The following PABPN1 variants were observed in gnomAD, a reference collection of about 807,000 sequenced individuals.
PABPN1 encodes the protein polyadenylate-binding protein 2.
Under a neutral mutation model 33.4 loss-of-function variants are expected in PABPN1, and 5 were observed. That is an observed-to-expected ratio of 0.15 (90% CI 0.08 to 0.32). The LOEUF is 0.32. Among genes scored for constraint, PABPN1 ranks in the 10% least tolerant of loss-of-function variants. The pLI, the probability that PABPN1 is intolerant of heterozygous loss-of-function variation, is 1.00. For synonymous variants in PABPN1, 176 were observed against 170.6 expected, an observed-to-expected ratio of 1.03 and a Z score of -0.25; for missense variants, 312 against 425.8, an observed-to-expected ratio of 0.73 and a Z score of 2.35.
Position 23,323,093 on chromosome 14 carries a change from T to G in PABPN1, c.534+27T>G, listed in dbSNP as rs756670416. 6 of 1,613,546 alleles carry G rather than the reference T, an allele frequency of 3.7e-6. No homozygotes were observed. In the South Asian group the frequency reaches 6.6e-5, roughly 18 times the overall value. On this transcript the variant is annotated intron_variant, in intron 3 of 6. Transcript: ENST00000216727. ...TACGTACTGGGGCTCTGACTGGGGT[T>G]GGGGGCAAGTTCTTCTTTTGGGGAA...
chr14:23,323,369 C>A lies in PABPN1; in HGVS notation c.535-8C>A. Reference sequence around the variant, plus strand: ...CTGGTGCCTGTGAAATTTTTCTCCTCTCATCAGGTGGACTATGGTGCAACA... The same window carrying A: ...CTGGTGCCTGTGAAATTTTTCTCCTATCATCAGGTGGACTATGGTGCAACA... On this transcript the variant is annotated splice_region_variant and splice_polypyrimidine_tract_variant and intron_variant, in intron 3 of 6. Coordinates refer to ENST00000216727, the MANE Select transcript of PABPN1 (RefSeq NM_004643.4). 1 of 1,612,720 alleles carries A rather than the reference C, an allele frequency of 6.2e-7. No individual in the cohort carries two copies. Among genetic ancestry groups the A allele is most frequent in the South Asian group, 1.1e-5 (1 of 91,016 alleles).
At position 23,322,319 on chromosome 14, in the gene PABPN1, G is replaced by T. The variant is rs1031176490; in HGVS notation, c.466+24G>T. On this transcript the variant is annotated intron_variant, in intron 2 of 6. Coordinates refer to ENST00000216727, the MANE Select transcript of PABPN1 (RefSeq NM_004643.4). The stretch of plus-strand genomic sequence containing the variant: ...TGGTGAGTAACTGGCGGTTGCACGC[G>T]GAGCCCGGGTTCTCGGGTTGGAAGG... 1.6e-5 allele frequency: 25 copies of T among 1,574,250 alleles called. No individual in the cohort carries two copies. The African/African-American group carries it at 3.2e-4, about 20-fold the overall frequency.
chr14:23,324,058 C>T lies in PABPN1; in HGVS notation c.729+6C>T, dbSNP rs771474078. ...TTAGAGGAAGGCAAATCAAGGTAAG[C>T]CTATGTCCATTGCTGTTCTAGTTGT... On this transcript the variant is annotated splice_donor_region_variant and intron_variant, in intron 5 of 6. Transcript: ENST00000216727. 2.5e-6 allele frequency: 4 copies of T among 1,614,152 alleles called. No homozygotes were observed. Among genetic ancestry groups the T allele is most frequent in the East Asian group, 2.2e-5 (1 of 44,884 alleles).
chr14:23,322,516 T>C (rs993309427), intron 2 of PABPN1: 18 of 581,358 alleles, frequency 3.1e-5, no homozygotes, highest in South Asian at 2.8e-4. Context: ...GTGCCTGTTA[T>C]AATTGTGTTG....
In PABPN1 at chr14:23,321,706, C is replaced by G; in HGVS notation, c.237C>G (p.Ala79=). ...EPEEEPPRPR[A]PPGAPGPGPG... Reference sequence around the variant, plus strand: ...AAGAGGAGCCGCCCCGGCCCCGCGCCCCCCCGGGAGCTCCGGGCCCTGGGC... The same window carrying G: ...AAGAGGAGCCGCCCCGGCCCCGCGCGCCCCCGGGAGCTCCGGGCCCTGGGC... The change falls in exon 1 of 7, where the codon GCC becomes GCG. Residue 79 remains alanine, a synonymous_variant. Coordinates refer to ENST00000216727, the MANE Select transcript of PABPN1 (RefSeq NM_004643.4). 1.9e-6 allele frequency: 3 copies of G among 1,538,748 alleles called. No homozygotes were observed. The highest frequency in any genetic ancestry group is 2.6e-6 in the Non-Finnish European group (3 of 1,140,444).
rs1427293556 is a variant in PABPN1, at chr14:23,324,127, C to G, written c.730-11C>G. 6.2e-7 allele frequency: 1 copy of G among 1,614,176 alleles called. No individual in the cohort carries two copies. The highest frequency in any genetic ancestry group is 8.5e-7 in the Non-Finnish European group (1 of 1,179,990). ...GCCTTTAAGGCTATCATTTGTTCAT[C>G]TCTGACTCAGGTGATCCCAAAACGA... On this transcript the variant is annotated splice_polypyrimidine_tract_variant and intron_variant, in intron 5 of 6. Transcript: ENST00000216727.
At chr14:23,324,944 T>C (rs901047610) in intron 6 of PABPN1, 4 of 366,234 alleles carry the variant, frequency 1.1e-5, no homozygotes, top group Non-Finnish European at 2.0e-5. Flanking sequence ...TGGCCTAGGG[T>C]TTAAGAGCTG....
intron 2 of PABPN1, 43 bp from the exon 3 acceptor site, chr14:23,322,956 A>G: frequency 6.2e-7 from 1 of 1,613,626 alleles, no homozygotes; most frequent in South Asian, 1.1e-5. Context: ...TCAAGTAGAA[A>G]ACAAGTGTGT....
chr14:23,322,901 C>T, intron 2 of PABPN1, 98 bp from the exon 3 acceptor site: 3 of 1,562,078 alleles, frequency 1.9e-6, no homozygotes, highest in Non-Finnish European at 2.6e-6. Flanking sequence ...TTTGCCTTCA[C>T]TGAGCTTATG....
In PABPN1 at chr14:23,325,307, A is replaced by G; in HGVS notation, c.*21A>G. 1.3e-6 allele frequency: 2 copies of G among 1,576,730 alleles called. No homozygotes were observed. Among genetic ancestry groups the G allele is most frequent in the Non-Finnish European group, 1.7e-6 (2 of 1,158,690 alleles). On this transcript the variant is annotated 3_prime_UTR_variant, in exon 7 of 7. Transcript: ENST00000216727. ...ACTAAAAAAAGTGTGTATTAGGAGG[A>G]GAGAGAGGAAAAAAAGAGGAAAGAA...
At chr14:23,325,209 T>G in intron 6 of PABPN1, 38 bp from the exon 7 acceptor site, 1 of 1,613,472 alleles carries the variant, frequency 6.2e-7, no homozygotes, top group Non-Finnish European at 8.5e-7. Context: ...AACTATCTAG[T>G]GATCACGTTA....
intron 6 of PABPN1, 66 bp downstream of exon 6, chr14:23,324,355 T>C (rs552165487): frequency 2.3e-5 from 37 of 1,591,066 alleles, no homozygotes; most frequent in Non-Finnish European, 3.1e-5. Context: ...TCCTCCTCTC[T>C]GGTCTGAGGA....
At position 23,323,468 on chromosome 14, in the gene PABPN1, G is replaced by A. The variant is rs981278088; in HGVS notation, c.626G>A (p.Ser209Asn). The stretch of plus-strand genomic sequence containing the variant: ...GTTACCATACTGTGTGACAAATTTA[G>A]TGGCCATCCCAAAGGGTAAGTAAAG... ...NRVTILCDKF[S>N]GHPKGFAYIE... The change falls in exon 4 of 7, where the codon AGT (serine) becomes AAT (asparagine). Residue 209 changes from serine (S) to asparagine (N), a missense_variant. Coordinates refer to ENST00000216727, the MANE Select transcript of PABPN1 (RefSeq NM_004643.4). 6.2e-7 allele frequency: 1 copy of A among 1,614,084 alleles called. No homozygotes were observed. Among genetic ancestry groups the A allele is most frequent in the African/African-American group, 1.3e-5 (1 of 74,934 alleles).
rs886044639 is a variant in PABPN1, at chr14:23,324,195, C to A, written c.787C>A (p.Arg263=). The change falls in exon 6 of 7, where the codon CGA becomes AGA. Residue 263 remains arginine (R), a synonymous_variant. Coordinates refer to ENST00000216727, the MANE Select transcript of PABPN1 (RefSeq NM_004643.4). The stretch of plus-strand genomic sequence containing the variant: ...CAGCACAACAGACCGGGGTTTTCCA[C>A]GAGCCCGCTACCGCGCCCGGACCAC... The part of the protein sequence containing the change: ...GISTTDRGFP[R]ARYRARTTNY... The A allele has an allele frequency of 1.7e-5, 27 of 1,614,090 alleles. No individual in the cohort carries two copies. In the African/African-American group the frequency reaches 3.2e-4, roughly 19 times the overall value.
At chr14:23,324,416 C>A in intron 6 of PABPN1, 127 bp downstream of exon 6, 2 of 1,242,374 alleles carry the variant, frequency 1.6e-6, no homozygotes, top group Non-Finnish European at 2.3e-6. Context: ...TTGTCTCCTG[C>A]CTGTGCAGGT....
At position 23,321,556 on chromosome 14, in the gene PABPN1, C is replaced by CGGGGCCGGTGGG. The variant is rs1267247623; in HGVS notation, c.89_100dup (p.Gly30_Gly33dup). Reference sequence around the variant, plus strand: ...CGGGGCGGCGGCGCCATCTTGTGCCCGGGGCCGGTGGGGAGGCCGGGGAGG... The same window carrying CGGGGCCGGTGGG: ...CGGGGCGGCGGCGCCATCTTGTGCCCGGGGCCGGTGGGGGGGCCGGTGGGGAGGCCGGGGAGG... On this transcript the variant is annotated inframe_insertion, in exon 1 of 7. Transcript: ENST00000216727. 2.9e-6 allele frequency: 4 copies of CGGGGCCGGTGGG among 1,390,156 alleles called. No individual in the cohort carries two copies. Among genetic ancestry groups the CGGGGCCGGTGGG allele is most frequent in the African/African-American group, 3.0e-5 (2 of 66,704 alleles). 86.1% of individuals were successfully genotyped at this position (1,390,156 alleles called of 1,614,324 possible). A position where few individuals can be genotyped will look rare whatever the true frequency, so the allele number is the denominator to read the frequency against.
intron 6 of PABPN1, 43 bp from the exon 7 acceptor site, chr14:23,325,204 T>A (rs752204513): frequency 1.2e-6 from 2 of 1,613,478 alleles, no homozygotes; most frequent in Non-Finnish European, 1.7e-6. Flanking sequence ...TACTGAACTA[T>A]CTAGTGATCA....
Position 23,325,373 on chromosome 14 carries a change from A to C in PABPN1, c.*87A>C. 2 of 1,440,798 alleles carry C rather than the reference A, an allele frequency of 1.4e-6. No homozygotes were observed. The highest frequency in any genetic ancestry group is 2.3e-5 in the Admixed American group (1 of 43,512). The allele number at this position is 1,440,798 out of a possible 1,614,324, so 89.3% of individuals were successfully genotyped here. On this transcript the variant is annotated 3_prime_UTR_variant, in exon 7 of 7. Transcript: ENST00000216727. ...TTAAAAAAAAAAAAAAGAAAAACAG[A>C]AGATGACCTTGATGGAAAAAAAATA...
intron 3 of PABPN1, 46 bp downstream of exon 3, chr14:23,323,112 T>TG (rs779987669): frequency 6.2e-7 from 1 of 1,611,924 alleles, no homozygotes; most frequent in Non-Finnish European, 8.5e-7. Flanking sequence ...GTTCTTCTTT[T>TG]GGGGAATTAT....
Sources: gnomAD v4.1 joint callset for allele counts on GRCh38, gnomAD v4.1.1 for gene constraint, MANE v1.5 for transcripts, NCBI Gene and HGNC (gene_info 2026-07-23, HGNC 2026-07-21) for gene names.